The following RBFOX1 variants were observed in gnomAD, a reference collection of about 807,000 sequenced individuals.
RBFOX1 encodes RNA binding fox-1 homolog 1, also known as RNA binding protein fox-1 homolog 1.
A neutral mutation model predicts 57.7 loss-of-function variants in RBFOX1; 8 were observed. That is an observed-to-expected ratio of 0.14 (90% CI 0.08 to 0.25). RBFOX1 has a LOEUF of 0.25. Ranked by LOEUF, RBFOX1 falls within the 10% of genes least tolerant of loss-of-function variation. The pLI, the probability that RBFOX1 is intolerant of heterozygous loss-of-function variation, is 1.00. For missense variants in RBFOX1, 611 were observed against 548.5 expected, an observed-to-expected ratio of 1.11 and a Z score of -1.14; for synonymous variants, 326 against 222.4, an observed-to-expected ratio of 1.47 and a Z score of -4.15.
rs76449858 is a variant in RBFOX1 at position 5,675,349 on chromosome 16, C to T, written c.318+76388C>T. Reference sequence around the variant, plus strand: ...TCTCCTCTTTGGGAGAGACCATTTACTACTGATCATTTCTAGACTTTGGGC... The same window carrying T: ...TCTCCTCTTTGGGAGAGACCATTTATTACTGATCATTTCTAGACTTTGGGC... On this transcript the variant is annotated intron_variant, in intron 3 of 19. Transcript: ENST00000641259. Among the ~76,000 whole-genome samples, 344 of 152,248 alleles carry T rather than the reference C, an allele frequency of 2.3e-3. 9 individuals carry two copies. The East Asian group carries it at 0.063, about 28-fold the overall frequency.
At chr16:5,573,974 G>T (rs1465065600) in intron 2 of RBFOX1, among the ~76,000 whole-genome samples, 1 of 152,056 alleles carries the variant, frequency 6.6e-6, no homozygotes, top group Non-Finnish European at 1.5e-5. Context: ...AGAAGAAAAA[G>T]AAAAAATGAA....
intron 4 of RBFOX1, among the ~76,000 whole-genome samples, chr16:7,276,624 A>G (rs2095445511): frequency 2.0e-5 from 3 of 152,050 alleles, no homozygotes; most frequent in Admixed American, 2.0e-4. Context: ...AGAGACCAGA[A>G]TTTCCTCACT....
At chr16:5,942,199 G>GT (rs1037340515) in intron 4 of RBFOX1, among the ~76,000 whole-genome samples, 3 of 152,100 alleles carry the variant, frequency 2.0e-5, no homozygotes, top group African/African-American at 4.8e-5. Context: ...GGAGACTGGA[G>GT]TTTTTTTTAT....
At chr16:6,516,141 G>T (rs1598667831) in intron 2 of RBFOX1, among the ~76,000 whole-genome samples, 1 of 152,140 alleles carries the variant, frequency 6.6e-6, no homozygotes, top group African/African-American at 2.4e-5. Context: ...CAGTTCTTCT[G>T]CTTCAGCCTC....
intron 3 of RBFOX1, among the ~76,000 whole-genome samples, chr16:5,714,925 T>G (rs936603117): frequency 3.3e-5 from 5 of 152,188 alleles, no homozygotes; most frequent in Non-Finnish European, 7.4e-5. Context: ...ATAGAGTTGA[T>G]GCTGAAATAT....
At chr16:5,934,878 A>G (rs2059137149) in intron 4 of RBFOX1, among the ~76,000 whole-genome samples, 2 of 152,248 alleles carry the variant, frequency 1.3e-5, no homozygotes, top group South Asian at 2.1e-4. Context: ...GCAGCTGCAC[A>G]CAGACTGGCT....
At chr16:5,328,550 C>G (rs868996) in intron 1 of RBFOX1, among the ~76,000 whole-genome samples, 113,370 of 152,200 alleles carry the variant, frequency 0.74, 45,641 homozygotes, top group South Asian at 0.9. Context: ...ATGTCCCAGA[C>G]ACAGAGGCAG....
chr16:5,438,613 C>T (rs564549493), intron 1 of RBFOX1, among the ~76,000 whole-genome samples: 8 of 152,270 alleles, frequency 5.3e-5, no homozygotes, highest in East Asian at 1.9e-4. Flanking sequence ...CTAGACCACA[C>T]GGGTTTCACC....
At chr16:6,789,961 C>A (rs979214351) in intron 3 of RBFOX1, among the ~76,000 whole-genome samples, 1 of 151,552 alleles carries the variant, frequency 6.6e-6, no homozygotes, top group Non-Finnish European at 1.5e-5. Context: ...GATTTCTGGT[C>A]TTCCGTAACT....
At chr16:7,582,109 A>C (rs2093817933) in intron 6 of RBFOX1, among the ~76,000 whole-genome samples, 1 of 151,050 alleles carries the variant, frequency 6.6e-6, no homozygotes, top group Non-Finnish European at 1.5e-5. Context: ...GGCTCATTGC[A>C]ACCTTTCTCC....
chr16:6,561,883 G>A (rs1192024929), intron 2 of RBFOX1, among the ~76,000 whole-genome samples: 1 of 152,168 alleles, frequency 6.6e-6, no homozygotes, highest in East Asian at 1.9e-4. Flanking sequence ...TTTAATGACG[G>A]TATTGGCAGC....
intron 4 of RBFOX1, among the ~76,000 whole-genome samples, chr16:7,256,404 G>A (rs754560698): frequency 3.9e-5 from 6 of 152,142 alleles, no homozygotes; most frequent in Admixed American, 3.9e-4. Flanking sequence ...AGACAAAGGC[G>A]GCTGTCATGG....
At chr16:6,165,295 CT>C (rs961330306) in intron 1 of RBFOX1, among the ~76,000 whole-genome samples, 15 of 151,902 alleles carry the variant, frequency 9.9e-5, no homozygotes, top group Non-Finnish European at 1.0e-4. Flanking sequence ...TTTATATTTA[CT>C]TTTTTTTGGT....
At chr16:6,623,258 C>G (rs1175248798) in intron 2 of RBFOX1, among the ~76,000 whole-genome samples, 3 of 151,968 alleles carry the variant, frequency 2.0e-5, no homozygotes, top group Admixed American at 6.6e-5. Context: ...GTGCACAAGA[C>G]AGAGCTAACC....
intron 2 of RBFOX1, among the ~76,000 whole-genome samples, chr16:5,514,993 G>A (rs960547424): frequency 6.6e-6 from 1 of 152,148 alleles, no homozygotes; most frequent in South Asian, 2.1e-4. Context: ...GGAAGGTGAA[G>A]GGGAAGCAGG....
chr16:6,517,417 G>A (rs183728114), intron 2 of RBFOX1, among the ~76,000 whole-genome samples: 76 of 152,224 alleles, frequency 5.0e-4, no homozygotes, highest in Admixed American at 9.2e-4. Context: ...ACTCCCTGAA[G>A]TCTCTCTTTC....
intron 1 of RBFOX1, among the ~76,000 whole-genome samples, chr16:5,292,892 G>C (rs1440078208): frequency 2.0e-5 from 3 of 151,948 alleles, no homozygotes; most frequent in African/African-American, 7.3e-5. Context: ...CAAAGTGCTG[G>C]GATTACACGT....
chr16:5,383,745 G>T (rs1369102954), intron 1 of RBFOX1, among the ~76,000 whole-genome samples: 1 of 152,156 alleles, frequency 6.6e-6, no homozygotes. Context: ...TTTTATTAGA[G>T]GACCTCAGCC....
At chr16:5,356,432 C>T (rs537136949) in intron 1 of RBFOX1, among the ~76,000 whole-genome samples, 2 of 152,314 alleles carry the variant, frequency 1.3e-5, no homozygotes, top group African/African-American at 4.8e-5. Flanking sequence ...ATGTTTAATG[C>T]TATGCCCACA....
Sources: gnomAD v4.1 joint callset for allele counts (sites outside exome capture counted in the v4.1 genomes callset) on GRCh38, gnomAD v4.1.1 for gene constraint, MANE v1.5 for transcripts, NCBI Gene and HGNC (gene_info 2026-07-23, HGNC 2026-07-21) for gene names.